Variants in ARHGEF4 observed in about 807,000 individuals in gnomAD.
ARHGEF4 encodes the protein APC-stimulated guanine nucleotide exchange factor 1.
A neutral mutation model predicts 162.0 loss-of-function variants in ARHGEF4; 119 were observed. That is an observed-to-expected ratio of 0.73 (90% CI 0.63 to 0.86). The LOEUF is 0.86. ARHGEF4 is among the 40% of genes least tolerant of loss of function. The pLI is 0.00. For synonymous variants in ARHGEF4, 1,014 were observed against 979.9 expected, an observed-to-expected ratio of 1.03 and a Z score of -0.65; for missense variants, 2,488 against 2,456.0, an observed-to-expected ratio of 1.01 and a Z score of -0.28.
At chr2:131,008,444 C>G (rs1156590094) in intron 4 of ARHGEF4, among the ~76,000 whole-genome samples, 1 of 152,142 alleles carries the variant, frequency 6.6e-6, no homozygotes, top group Non-Finnish European at 1.5e-5. Context: ...TCTCATGCAA[C>G]CAACATCCAG....
chr2:130,973,128 T>A (rs776063830), intron 4 of ARHGEF4, among the ~76,000 whole-genome samples: 1 of 152,246 alleles, frequency 6.6e-6, no homozygotes, highest in Admixed American at 6.5e-5. Context: ...GAACCCCCAA[T>A]TAAAACTGCT....
chr2:130,976,868 T>C (rs1297791324), intron 4 of ARHGEF4, among the ~76,000 whole-genome samples: 1 of 151,930 alleles, frequency 6.6e-6, no homozygotes, highest in Admixed American at 6.6e-5. Context: ...GTGTGTCTGG[T>C]GTATGTGAGC....
chr2:131,002,835 G>A (rs1028954865), intron 4 of ARHGEF4, among the ~76,000 whole-genome samples: 2 of 151,798 alleles, frequency 1.3e-5, no homozygotes, highest in African/African-American at 4.8e-5. Flanking sequence ...ACTGTTGGTC[G>A]GCTTCCTATA....
chr2:130,864,283 C>T (rs537235518), intron 1 of ARHGEF4, among the ~76,000 whole-genome samples: 10 of 152,178 alleles, frequency 6.6e-5, no homozygotes, highest in African/African-American at 2.2e-4. Context: ...TCACAGGAGC[C>T]AGTCACAAAG....
At chr2:130,902,580 C>T (rs1027791471) in intron 1 of ARHGEF4, among the ~76,000 whole-genome samples, 3 of 150,718 alleles carry the variant, frequency 2.0e-5, no homozygotes, top group African/African-American at 7.3e-5. Context: ...AGCGACAGAG[C>T]GAGACTCCAT....
chr2:131,013,981 G>T (rs906944402), intron 4 of ARHGEF4, among the ~76,000 whole-genome samples: 4 of 152,278 alleles, frequency 2.6e-5, no homozygotes, highest in East Asian at 1.9e-4. Context: ...AATAATTTTT[G>T]TAATGAAAAT....
intron 4 of ARHGEF4, among the ~76,000 whole-genome samples, chr2:130,978,668 TAGGC>T (rs1217225210): frequency 6.6e-6 from 1 of 151,856 alleles, no homozygotes; most frequent in Non-Finnish European, 1.5e-5. Flanking sequence ...CTGGAGAAAT[TAGGC>T]AGAGAAATAT....
At chr2:130,901,345 T>C (rs1452474331) in intron 1 of ARHGEF4, among the ~76,000 whole-genome samples, 1 of 152,166 alleles carries the variant, frequency 6.6e-6, no homozygotes, top group Non-Finnish European at 1.5e-5. Context: ...GTGGCCTCCC[T>C]GGGATCTGTT....
intron 1 of ARHGEF4, among the ~76,000 whole-genome samples, chr2:130,907,138 T>C (rs1216134666): frequency 6.6e-6 from 1 of 152,056 alleles, no homozygotes; most frequent in Non-Finnish European, 1.5e-5. Context: ...GTCTTTTGAG[T>C]TTGGCTTCTT....
chr2:130,925,407 A>G (rs1446482633), intron 2 of ARHGEF4, among the ~76,000 whole-genome samples: 1 of 152,222 alleles, frequency 6.6e-6, no homozygotes, highest in Non-Finnish European at 1.5e-5. Context: ...ATGCTGGAGC[A>G]TTTGGACATC....
rs1310905083 is a variant in ARHGEF4 at position 130,839,797 on chromosome 2, C to CT, written c.39+2806dup. On this transcript the variant is annotated intron_variant, in intron 1 of 13. Coordinates refer to ENST00000409359, the MANE Select transcript of ARHGEF4 (RefSeq NM_001367493.1). ...AAAATGTTCCAGACAGCTGGACCCC[C>CT]TGCTGCCTGCCTGGAGCCGTCACTG... 3.5e-4 allele frequency among the ~76,000 whole-genome samples: 53 copies of CT among 152,306 alleles called. 1 individual carries two copies. Among genetic ancestry groups the CT allele is most frequent in the Non-Finnish European group, 7.4e-5 (5 of 68,024 alleles).
Position 130,917,269 on chromosome 2 carries a change from A to G in ARHGEF4, c.3323A>G (p.Tyr1108Cys). ...AGTGCTCAGCGGATGGGTCTCCACT[A>G]CCCCGGGAGGGGTAGCGCCATCTCC... ...RPSAQRMGLH[Y>C]PGRGSAISMV... The change falls in exon 2 of 14, where the codon TAC becomes TGC. Residue 1108 changes from tyrosine (Y) to cysteine (C), a missense_variant. Physicochemically the swap from Tyr to Cys is radical, Grantham distance 194. Around this residue, in one of 6 missense-constraint regions of ARHGEF4, gnomAD observed 1,642 missense variants for 1,481.5 expected, o/e 1.11. Coordinates refer to ENST00000409359, the MANE Select transcript of ARHGEF4 (RefSeq NM_001367493.1). 1 of 1,550,070 alleles carries G rather than the reference A, an allele frequency of 6.5e-7. No homozygotes were observed. Among genetic ancestry groups the G allele is most frequent in the South Asian group, 1.2e-5 (1 of 84,028 alleles).
chr2:130,864,441 T>C (rs1682120998), intron 1 of ARHGEF4, among the ~76,000 whole-genome samples: 1 of 151,978 alleles, frequency 6.6e-6, no homozygotes, highest in African/African-American at 2.4e-5. Flanking sequence ...GTATGGCGTT[T>C]TGGCCAGGCA....
At chr2:130,937,138 T>C (rs531398890) in intron 3 of ARHGEF4, among the ~76,000 whole-genome samples, 97 of 120,216 alleles carry the variant, frequency 8.1e-4, no homozygotes, top group African/African-American at 2.2e-3. Context: ...CTTGAACTTC[T>C]GACCTCAGGT....
intron 1 of ARHGEF4, among the ~76,000 whole-genome samples, chr2:130,868,754 G>A (rs1265246721): frequency 6.6e-6 from 1 of 152,176 alleles, no homozygotes; most frequent in African/African-American, 2.4e-5. Context: ...AATGCAGCCA[G>A]TGCATTACAG....
intron 4 of ARHGEF4, among the ~76,000 whole-genome samples, chr2:131,021,792 G>T: frequency 6.6e-6 from 1 of 152,074 alleles, no homozygotes; most frequent in East Asian, 1.9e-4. Flanking sequence ...GTATGATGTT[G>T]GCTGTGAGAT....
intron 3 of ARHGEF4, among the ~76,000 whole-genome samples, chr2:130,934,851 G>T (rs533153321): frequency 6.6e-6 from 1 of 151,350 alleles, no homozygotes; most frequent in South Asian, 2.1e-4. Context: ...GCCAAAGTTT[G>T]TATTTCTTAT....
chr2:130,893,878 C>G (rs181235823), intron 1 of ARHGEF4, among the ~76,000 whole-genome samples: 1 of 152,362 alleles, frequency 6.6e-6, no homozygotes, highest in Admixed American at 6.5e-5. Flanking sequence ...AGATGGCAGG[C>G]TGGTCTTGTG....
intron 3 of ARHGEF4, among the ~76,000 whole-genome samples, chr2:130,932,143 G>A (rs4592892): frequency 0.58 from 88,315 of 152,092 alleles, 29,791 homozygotes; most frequent in East Asian, 0.84. Context: ...TCATATAAAT[G>A]TAATTACATG....
Sources: gnomAD v4.1 joint callset for allele counts (sites outside exome capture counted in the v4.1 genomes callset) on GRCh38, gnomAD v4.1.1 for gene constraint, gnomAD v4.1.1 regional missense constraint, MANE v1.5 for transcripts, NCBI Gene and HGNC (gene_info 2026-07-23, HGNC 2026-07-21) for gene names.